The following NOX4 variants were observed in gnomAD, a reference collection of about 807,000 sequenced individuals.
The protein encoded by NOX4 is kidney oxidase-1.
NOX4 carries 69 observed loss-of-function variants against 87.6 expected under a neutral mutation model. The ratio of observed to expected loss-of-function variants is 0.79; its 90% CI spans 0.65 to 0.96. NOX4 has a LOEUF of 0.96. NOX4 is among the 40% of genes least tolerant of loss of function. The probability of loss-of-function intolerance (pLI) is 0.00; values close to 1 mark genes in which losing one functional copy is unlikely to be tolerated. For missense variants in NOX4, 680 were observed against 681.5 expected (o/e 1.00, Z 0.02); for synonymous variants, 275 against 238.2 (o/e 1.15, Z -1.42).
the NOX4 span, among the ~76,000 whole-genome samples, chr11:89,571,643 G>C: frequency 6.6e-6 from 1 of 151,260 alleles, no homozygotes; most frequent in Non-Finnish European, 1.5e-5. Flanking sequence ...AGAGCAATAA[G>C]ATGTTTTGTT....
chr11:89,410,110 G>T (rs950042299), intron 8 of NOX4, among the ~76,000 whole-genome samples: 11 of 151,952 alleles, frequency 7.2e-5, no homozygotes, highest in African/African-American at 2.2e-4. Context: ...TTTTCTTTCA[G>T]ATTTTTTAGC....
chr11:89,375,460 C>T (rs1939764774), intron 11 of NOX4, among the ~76,000 whole-genome samples: 1 of 152,072 alleles, frequency 6.6e-6, no homozygotes, highest in South Asian at 2.1e-4. Context: ...CATGTGCCAC[C>T]ATGCCCAGCT....
At chr11:89,386,325 C>T (rs950376568) in intron 11 of NOX4, among the ~76,000 whole-genome samples, 1 of 152,158 alleles carries the variant, frequency 6.6e-6, no homozygotes, top group African/African-American at 2.4e-5. Context: ...AAATATCCTG[C>T]CCTTGTTTAC....
intron 2 of NOX4, among the ~76,000 whole-genome samples, chr11:89,484,724 T>C (rs867659528): frequency 1.3e-5 from 2 of 152,128 alleles, no homozygotes; most frequent in African/African-American, 2.4e-5. Flanking sequence ...TGTAAATAGA[T>C]AAAGAATATA....
At chr11:89,493,492 T>TA (rs1430054761), upstream of NOX4, among the ~76,000 whole-genome samples, 2 of 152,106 alleles carry the variant, frequency 1.3e-5, no homozygotes, top group Admixed American at 1.3e-4. Flanking sequence ...TATAATCAGT[T>TA]ACTTTTGTAA....
chr11:89,363,782 G>A (rs762275309), intron 12 of NOX4, among the ~76,000 whole-genome samples: 14 of 152,046 alleles, frequency 9.2e-5, no homozygotes, highest in Non-Finnish European at 1.8e-4. Flanking sequence ...TAAATCAAGC[G>A]AATGTCCTTT....
chr11:89,550,158 C>T, the NOX4 span, among the ~76,000 whole-genome samples: 34 of 151,558 alleles, frequency 2.2e-4, 1 homozygote, highest in South Asian at 5.5e-3. Context: ...TCGCCAGTAT[C>T]GGTTGTTTCC....
At chr11:89,366,172 G>A (rs944990140) in intron 12 of NOX4, among the ~76,000 whole-genome samples, 21 of 151,956 alleles carry the variant, frequency 1.4e-4, no homozygotes, top group African/African-American at 4.1e-4. Flanking sequence ...AATAAATTAT[G>A]TTACCAAGAA....
chr11:89,408,295 T>C (rs1324995629), intron 8 of NOX4, among the ~76,000 whole-genome samples: 2 of 152,206 alleles, frequency 1.3e-5, no homozygotes, highest in Non-Finnish European at 2.9e-5. Flanking sequence ...GTGATTGTTG[T>C]TGAAACACTT....
At chr11:89,584,808 T>C in the NOX4 span, among the ~76,000 whole-genome samples, 2 of 152,124 alleles carry the variant, frequency 1.3e-5, no homozygotes, top group African/African-American at 4.8e-5. Context: ...TATTGATATA[T>C]ATTTCTGCAT....
In NOX4 at chr11:89,400,225, C is replaced by T. The variant is rs56342920; in HGVS notation, c.1001G>A (p.Arg334Lys). 13 of 1,612,262 alleles carry T rather than the reference C, an allele frequency of 8.1e-6. No homozygotes were observed. The highest frequency in any genetic ancestry group is 1.1e-5 in the Non-Finnish European group (13 of 1,179,048). The change falls in exon 10 of 18, where the codon AGA becomes AAA. Residue 334 changes from arginine to lysine, a missense_variant. Arg to Lys is a conservative substitution (Grantham distance 26). Coordinates refer to ENST00000263317, the MANE Select transcript of NOX4 (RefSeq NM_016931.5). Reference sequence around the variant, plus strand: ...TGACCACTGACTCACCTGACCAGGTCTTGCTTTAAAATTTTCTTTGACCAT... The same window carrying T: ...TGACCACTGACTCACCTGACCAGGTTTTGCTTTAAAATTTTCTTTGACCAT... Reference protein sequence around the residue: ...IRMVKENFKARPGQYITLHCP... With the variant: ...IRMVKENFKAKPGQYITLHCP...
At chr11:89,560,659 A>G in the NOX4 span, among the ~76,000 whole-genome samples, 62 of 151,996 alleles carry the variant, frequency 4.1e-4, no homozygotes, top group African/African-American at 1.4e-3. Flanking sequence ...GTAGAACAAA[A>G]AGCGAGAAGA....
At position 89,400,288 on chromosome 11, in the gene NOX4, G is replaced by T; in HGVS notation, c.938C>A (p.Ser313Ter). ...IRSNKPVTII[S>*]VMSHPSDVME... The stretch of plus-strand genomic sequence containing the variant: ...GACATCTGAGGGATGACTCATGACC[G>T]AAATGATGGTGACTGGCTTATTGCT... The change falls in exon 10 of 18, where the codon TCG (serine) becomes TAG (stop). Residue 313 changes from serine (S) to a stop codon, truncating the protein, a stop_gained. Transcript: ENST00000263317. LOFTEE classifies it high-confidence loss of function. 1 of 1,612,322 alleles carries T rather than the reference G, an allele frequency of 6.2e-7. No homozygotes were observed. The highest frequency in any genetic ancestry group is 8.5e-7 in the Non-Finnish European group (1 of 1,178,746).
At chr11:89,444,450 A>T (rs1395548255) in intron 4 of NOX4, among the ~76,000 whole-genome samples, 3 of 147,744 alleles carry the variant, frequency 2.0e-5, no homozygotes, top group Admixed American at 6.8e-5. Context: ...AACCCTAGTA[A>T]GTCAGGGATA....
At chr11:89,526,196 T>C in the NOX4 span, among the ~76,000 whole-genome samples, 1 of 152,230 alleles carries the variant, frequency 6.6e-6, no homozygotes, top group Non-Finnish European at 1.5e-5. Context: ...AACATTCATA[T>C]ACATTTTAGA....
the NOX4 span, among the ~76,000 whole-genome samples, chr11:89,503,570 T>C: frequency 6.6e-6 from 1 of 151,832 alleles, no homozygotes; most frequent in African/African-American, 2.4e-5. Context: ...GAAAATGCCA[T>C]GTTAGAGAGG....
intron 11 of NOX4, among the ~76,000 whole-genome samples, chr11:89,387,137 C>T (rs1940772181): frequency 1.3e-5 from 2 of 152,004 alleles, no homozygotes; most frequent in Admixed American, 6.6e-5. Flanking sequence ...TTTCGCCACC[C>T]CAACACTTTA....
chr11:89,549,448 CT>C, the NOX4 span, among the ~76,000 whole-genome samples: 3 of 152,102 alleles, frequency 2.0e-5, no homozygotes, highest in Non-Finnish European at 4.4e-5. Context: ...TAGAGTGCTG[CT>C]TTTTCAAACT....
intron 13 of NOX4, among the ~76,000 whole-genome samples, chr11:89,343,890 C>T (rs1412282984): frequency 6.6e-6 from 1 of 151,904 alleles, no homozygotes; most frequent in East Asian, 1.9e-4. Flanking sequence ...GAGATATCTT[C>T]CTCCCTGACC....
Sources: allele counts gnomAD v4.1 joint callset (sites outside exome capture counted in the v4.1 genomes callset), GRCh38; gene constraint gnomAD v4.1.1; transcripts MANE v1.5; gene names NCBI Gene and HGNC (gene_info 2026-07-23, HGNC 2026-07-21).